PKHD1: variants seen among roughly 807,000 people sequenced by gnomAD.
The protein encoded by PKHD1 is fibrocystin.
A neutral mutation model predicts 412.0 loss-of-function variants in PKHD1; 291 were observed. The ratio of observed to expected loss-of-function variants is 0.71; its 90% CI spans 0.64 to 0.78. The LOEUF (loss-of-function observed/expected upper bound fraction) is 0.78. PKHD1 is among the 30% of genes least tolerant of loss of function. The pLI, the probability that PKHD1 is intolerant of heterozygous loss-of-function variation, is 0.00. For missense variants in PKHD1, 4,825 were observed against 4,950.7 expected (o/e 0.97, Z 0.76); for synonymous variants, 1,777 against 1,821.5 (o/e 0.98, Z 0.62).
chr6:51,970,211 A>T (rs1488720324), intron 35 of PKHD1, among the ~76,000 whole-genome samples: 1 of 152,114 alleles, frequency 6.6e-6, no homozygotes, highest in East Asian at 1.9e-4. Flanking sequence ...ATTTTTTCAC[A>T]TGCTTATCTG....
At chr6:51,723,213 C>A (rs1582285866) in intron 60 of PKHD1, among the ~76,000 whole-genome samples, 1 of 152,240 alleles carries the variant, frequency 6.6e-6, no homozygotes, top group Middle Eastern at 3.4e-3. Context: ...GCTCTTGGGA[C>A]CTCTGTGATG....
chr6:51,923,443 G>A (rs1021775718), intron 37 of PKHD1, among the ~76,000 whole-genome samples: 1 of 151,494 alleles, frequency 6.6e-6, no homozygotes, highest in African/African-American at 2.4e-5. Context: ...ATAAAAGCAA[G>A]GAATGGACCA....
intron 36 of PKHD1, among the ~76,000 whole-genome samples, chr6:51,944,645 C>T (rs1789159630): frequency 6.6e-6 from 1 of 152,194 alleles, no homozygotes; most frequent in Non-Finnish European, 1.5e-5. Context: ...ACAAACTACC[C>T]TTGAAAACCC....
intron 37 of PKHD1, among the ~76,000 whole-genome samples, chr6:51,915,413 CT>C: frequency 6.6e-6 from 1 of 152,106 alleles, no homozygotes; most frequent in East Asian, 1.9e-4. Flanking sequence ...TAGAATTTGT[CT>C]CCCCCACTAA....
chr6:51,881,075 C>CTTTTTTTTTTTTTTTTTTTTTTT (rs371470393), intron 46 of PKHD1, among the ~76,000 whole-genome samples: 1 of 134,066 alleles, frequency 7.5e-6, no homozygotes. Context: ...CTTTTTCTTT[C>CTTTTTTTTTTTTTTTTTTTTTTT]TTTTTTTTTT....
intron 36 of PKHD1, among the ~76,000 whole-genome samples, chr6:51,957,009 G>T (rs1358809654): frequency 6.6e-6 from 1 of 152,000 alleles, no homozygotes; most frequent in Admixed American, 6.6e-5. Flanking sequence ...TAAACTGCTG[G>T]GGGTTTACTT....
intron 52 of PKHD1, among the ~76,000 whole-genome samples, chr6:51,811,519 C>T (rs975217694): frequency 4.6e-5 from 7 of 152,132 alleles, no homozygotes; most frequent in Non-Finnish European, 1.0e-4. Flanking sequence ...AGAACATATG[C>T]TTTTCATTGC....
intron 60 of PKHD1, among the ~76,000 whole-genome samples, chr6:51,732,329 C>CT (rs1268933803): frequency 6.6e-6 from 1 of 152,046 alleles, no homozygotes; most frequent in Admixed American, 6.6e-5. Context: ...TCAAAAAACT[C>CT]TATCAACAGA....
In PKHD1 at chr6:51,982,855, A is replaced by AAAAT. The variant is rs1554177177; in HGVS notation, c.5752-22830_5752-22829insATTT. Among the ~76,000 whole-genome samples, 696 of 126,022 alleles carry AAAAT rather than the reference A, an allele frequency of 5.5e-3. 5 individuals are homozygous for AAAAT. The highest frequency in any genetic ancestry group is 9.0e-3 in the Non-Finnish European group (513 of 57,018). The allele number at this position is 126,022 out of a possible 152,430, so 82.7% of individuals were successfully genotyped here. On this transcript the variant is annotated intron_variant, in intron 35 of 66. Coordinates refer to ENST00000371117, the MANE Select transcript of PKHD1 (RefSeq NM_138694.4). ...ATAAAAAATAAAAAAATAAAAAAATAAAAATAAAATAAAATAAAATAAAAT... is the reference window on the plus strand; with the variant it reads ...ATAAAAAATAAAAAAATAAAAAAATAAAATAAAATAAAATAAAATAAAATAAAAT...
chr6:51,906,206 T>A lies in PKHD1; in HGVS notation c.6808+9A>T. On this transcript the variant is annotated intron_variant, in intron 41 of 66. Transcript: ENST00000371117. Reference sequence around the variant, plus strand: ...GAATGCAGAAATTCAACAAGCTTGTTTTACTTACCAACTAGCAGCGCATGA... The same window carrying A: ...GAATGCAGAAATTCAACAAGCTTGTATTACTTACCAACTAGCAGCGCATGA... 2 of 1,610,648 alleles carry A rather than the reference T, an allele frequency of 1.2e-6. No homozygotes were observed. The highest frequency in any genetic ancestry group is 1.7e-6 in the Non-Finnish European group (2 of 1,177,264).
chr6:51,800,983 T>A (rs1762825198), intron 52 of PKHD1, among the ~76,000 whole-genome samples: 1 of 152,180 alleles, frequency 6.6e-6, no homozygotes, highest in Non-Finnish European at 1.5e-5. Flanking sequence ...GGCTCCTGTG[T>A]TTTCTATTAA....
intron 29 of PKHD1, among the ~76,000 whole-genome samples, chr6:52,029,375 G>A (rs1802706614): frequency 6.6e-6 from 1 of 152,154 alleles, no homozygotes; most frequent in South Asian, 2.1e-4. Context: ...AGTACCATAA[G>A]GAAGATGCTG....
intron 35 of PKHD1, among the ~76,000 whole-genome samples, chr6:51,981,101 C>G (rs867300164): frequency 8.6e-5 from 13 of 151,948 alleles, no homozygotes; most frequent in African/African-American, 2.7e-4. Context: ...GAACACATGC[C>G]TGCCTCTAAA....
chr6:51,685,967 C>T (rs1230699815), intron 60 of PKHD1, among the ~76,000 whole-genome samples: 8 of 152,150 alleles, frequency 5.3e-5, no homozygotes, highest in African/African-American at 1.9e-4. Flanking sequence ...CTGTCTAACC[C>T]AGAACTCCAT....
At chr6:52,046,334 T>C (rs1168745436) in intron 23 of PKHD1, 146 bp from the exon 24 acceptor site, 152 of 743,762 alleles carry the variant, frequency 2.0e-4, no homozygotes, top group Admixed American at 1.1e-4. Flanking sequence ...TTCAGTAGAA[T>C]CCCCAGCCAT....
At chr6:52,086,801 C>T (rs1049416925) in intron 1 of PKHD1, among the ~76,000 whole-genome samples, 2 of 152,152 alleles carry the variant, frequency 1.3e-5, no homozygotes, top group African/African-American at 2.4e-5. Context: ...CAAACTTTTA[C>T]GTCTATTTGA....
chr6:51,737,256 G>A (rs1783972118), intron 60 of PKHD1, among the ~76,000 whole-genome samples: 1 of 152,140 alleles, frequency 6.6e-6, no homozygotes, highest in Admixed American at 6.5e-5. Context: ...AGGAAAGTGT[G>A]GGAAAAGCTT....
At chr6:51,734,879 A>G (rs1783652374) in intron 60 of PKHD1, among the ~76,000 whole-genome samples, 1 of 152,228 alleles carries the variant, frequency 6.6e-6, no homozygotes, top group African/African-American at 2.4e-5. Flanking sequence ...GAATGTATGT[A>G]GATTAGATGC....
At chr6:51,718,821 G>A (rs1781568162) in intron 60 of PKHD1, among the ~76,000 whole-genome samples, 1 of 152,170 alleles carries the variant, frequency 6.6e-6, no homozygotes, top group Non-Finnish European at 1.5e-5. Flanking sequence ...ATATGTGCAA[G>A]TATACTGCAT....
Sources: allele counts gnomAD v4.1 joint callset (sites outside exome capture counted in the v4.1 genomes callset), GRCh38; gene constraint gnomAD v4.1.1; transcripts MANE v1.5; gene names NCBI Gene and HGNC (gene_info 2026-07-23, HGNC 2026-07-21).